Variants in ARHGAP23 observed in about 807,000 individuals in gnomAD.
The protein encoded by ARHGAP23 is rho GTPase-activating protein 23.
Under a neutral mutation model 136.3 loss-of-function variants are expected in ARHGAP23, and 34 were observed. The ratio of observed to expected loss-of-function variants is 0.25; its 90% CI spans 0.19 to 0.33. ARHGAP23 has a LOEUF of 0.33. Ranked by LOEUF, ARHGAP23 falls within the 10% of genes least tolerant of loss-of-function variation. ARHGAP23 has a pLI of 1.00. For missense variants in ARHGAP23, 1,808 were observed against 2,139.0 expected (o/e 0.85, Z 3.05); for synonymous variants, 832 against 920.5 (o/e 0.90, Z 1.74).
intron 1 of ARHGAP23, among the ~76,000 whole-genome samples, chr17:38,450,110 A>AG (rs2039128132): frequency 6.6e-6 from 1 of 152,202 alleles, no homozygotes; most frequent in Non-Finnish European, 1.5e-5. Context: ...ACCTGAGAGC[A>AG]GGGCTCCCTT....
At chr17:38,442,954 T>TG (rs1479127125) in intron 1 of ARHGAP23, among the ~76,000 whole-genome samples, 1 of 152,150 alleles carries the variant, frequency 6.6e-6, no homozygotes, top group Non-Finnish European at 1.5e-5. Flanking sequence ...TCTACTCCGA[T>TG]GGGGGGATGG....
At chr17:38,466,145 C>T (rs2039586351) in intron 6 of ARHGAP23, 22 bp from the exon 7 acceptor site, 2 of 1,457,386 alleles carry the variant, frequency 1.4e-6, no homozygotes, top group African/African-American at 1.4e-5. Flanking sequence ...CCCTGCTTAC[C>T]TGTCTCTGTG....
At chr17:38,449,906 C>CAGTTT (rs1249181392) in intron 1 of ARHGAP23, among the ~76,000 whole-genome samples, 1 of 152,154 alleles carries the variant, frequency 6.6e-6, no homozygotes, top group Non-Finnish European at 1.5e-5. Flanking sequence ...AACCACACGC[C>CAGTTT]CTGCAACACG....
At chr17:38,421,497 C>A (rs1226356051) in intron 1 of ARHGAP23, among the ~76,000 whole-genome samples, 1 of 152,244 alleles carries the variant, frequency 6.6e-6, no homozygotes, top group Non-Finnish European at 1.5e-5. Context: ...TTCATTGCAC[C>A]AGGGGAAGCT....
chr17:38,452,245 T>G (rs1308484196), intron 1 of ARHGAP23: 1 of 147,080 alleles, frequency 6.8e-6, no homozygotes, highest in Non-Finnish European at 1.5e-5. Flanking sequence ...TGCCTTCCCC[T>G]CCCTCTGCCC....
chr17:38,430,076 G>A (rs753481395), intron 1 of ARHGAP23, among the ~76,000 whole-genome samples: 7 of 152,176 alleles, frequency 4.6e-5, no homozygotes, highest in South Asian at 2.1e-4. Context: ...CCAAGATCCT[G>A]CATCTGAGGA....
intron 1 of ARHGAP23, among the ~76,000 whole-genome samples, chr17:38,439,963 G>A (rs1007839315): frequency 2.0e-5 from 3 of 151,738 alleles, no homozygotes; most frequent in African/African-American, 4.9e-5. Context: ...CCTGACCTTA[G>A]GTGATCGGCC....
chr17:38,480,576 T>G (rs548002672), intron 14 of ARHGAP23, among the ~76,000 whole-genome samples: 11 of 150,396 alleles, frequency 7.3e-5, no homozygotes, highest in Non-Finnish European at 1.0e-4. Flanking sequence ...GGAGCTTGCA[T>G]TGAGCCAAGA....
intron 23 of ARHGAP23, among the ~76,000 whole-genome samples, chr17:38,509,401 G>T (rs187267754): frequency 5.0e-4 from 76 of 152,282 alleles, no homozygotes; most frequent in African/African-American, 1.8e-3. Context: ...GCGGAAAGGG[G>T]AGGACGTGAA....
chr17:38,449,166 T>C (rs2039101679), intron 1 of ARHGAP23, among the ~76,000 whole-genome samples: 1 of 152,182 alleles, frequency 6.6e-6, no homozygotes, highest in South Asian at 2.1e-4. Context: ...CCCACCTCCC[T>C]GATGGTGGTG....
Position 38,452,945 on chromosome 17 carries a change from C to T in ARHGAP23, c.64-5157C>T, listed in dbSNP as rs113536682. ...GAGTCCTGGGAAGGAGGGTGGTTCC[C>T]ACAGGGGTGTTGGGGACTCCATCTG... On this transcript the variant is annotated intron_variant, in intron 1 of 23. Coordinates refer to ENST00000622683, the MANE Select transcript of ARHGAP23 (RefSeq NM_001199417.2). 3.9e-3 allele frequency among the ~76,000 whole-genome samples: 600 copies of T among 152,288 alleles called. 3 individuals carry two copies. Among genetic ancestry groups the T allele is most frequent in the African/African-American group, 0.014 (575 of 41,564 alleles).
At chr17:38,420,703 C>CG (rs1311938827) in intron 1 of ARHGAP23, among the ~76,000 whole-genome samples, 1 of 151,964 alleles carries the variant, frequency 6.6e-6, no homozygotes, top group Non-Finnish European at 1.5e-5. Context: ...GAGTCTGGGG[C>CG]GGGGCTGTGG....
chr17:38,466,089 T>G, intron 6 of ARHGAP23, 78 bp from the exon 7 acceptor site: 1 of 1,289,728 alleles, frequency 7.8e-7, no homozygotes, highest in Non-Finnish European at 1.0e-6. Flanking sequence ...CTGGGCTCCT[T>G]GACCTCCTCG....
At chr17:38,479,938 G>T in intron 14 of ARHGAP23, 55 bp downstream of exon 14, 1 of 1,523,314 alleles carries the variant, frequency 6.6e-7, no homozygotes, top group Non-Finnish European at 8.9e-7. Context: ...GGCATGGGGA[G>T]GGGAGGGCAC....
chr17:38,463,870 C>A (rs868118064), intron 6 of ARHGAP23, among the ~76,000 whole-genome samples: 2 of 152,114 alleles, frequency 1.3e-5, no homozygotes, highest in Non-Finnish European at 2.9e-5. Flanking sequence ...CTGTATAGCA[C>A]GAAGCACACC....
chr17:38,463,718 G>T (rs1265062399), intron 6 of ARHGAP23, among the ~76,000 whole-genome samples: 1 of 152,226 alleles, frequency 6.6e-6, no homozygotes. Context: ...CTGAGTGAGG[G>T]TGTCTCTGGT....
At chr17:38,476,949 AG>A (rs1450444459) in intron 11 of ARHGAP23, among the ~76,000 whole-genome samples, 1 of 152,200 alleles carries the variant, frequency 6.6e-6, no homozygotes, top group Non-Finnish European at 1.5e-5. Flanking sequence ...CAGTGGCATT[AG>A]GAAGAAAGCT....
intron 1 of ARHGAP23, among the ~76,000 whole-genome samples, chr17:38,435,625 C>T (rs1050599416): frequency 1.3e-5 from 2 of 152,204 alleles, no homozygotes; most frequent in Non-Finnish European, 2.9e-5. Flanking sequence ...GTTTTCGAGA[C>T]AGAGTCTCGC....
At position 38,446,129 on chromosome 17, in the gene ARHGAP23, C is replaced by T. The variant is rs187766795; in HGVS notation, c.64-11973C>T. Among the ~76,000 whole-genome samples, 172 of 151,372 alleles carry T rather than the reference C, an allele frequency of 1.1e-3. 3 individuals carry two copies. The highest frequency in any genetic ancestry group is 4.0e-3 in the African/African-American group (163 of 41,228). On this transcript the variant is annotated intron_variant, in intron 1 of 23. Coordinates refer to ENST00000622683, the MANE Select transcript of ARHGAP23 (RefSeq NM_001199417.2). ...TCCTGTGCTCAAGCCATCCTCCCAC[C>T]TTAGCCTCCCAAGCAGCTGGGACTA...
Sources: allele counts gnomAD v4.1 joint callset (sites outside exome capture counted in the v4.1 genomes callset), GRCh38; gene constraint gnomAD v4.1.1; transcripts MANE v1.5; gene names NCBI Gene and HGNC (gene_info 2026-07-23, HGNC 2026-07-21).